Variants in MTHFS observed in about 807,000 individuals in gnomAD.
MTHFS encodes 5-formyltetrahydrofolate cyclo-ligase.
Under a neutral mutation model 12.7 loss-of-function variants are expected in MTHFS, and 7 were observed. That is an observed-to-expected ratio of 0.55 (90% CI 0.31 to 1.03). The LOEUF (loss-of-function observed/expected upper bound fraction) is 1.03, where lower values mean the gene tolerates loss of function less well. Among genes scored for constraint, MTHFS ranks in the 50% least tolerant of loss-of-function variants. MTHFS has a pLI of 0.05. For synonymous variants in MTHFS, 100 were observed against 97.1 expected (o/e 1.03, Z -0.18); for missense variants, 252 against 258.1 (o/e 0.98, Z 0.16).
chr15:79,875,847 A>T (rs2034185856), intron 2 of MTHFS: 1 of 152,158 alleles, frequency 6.6e-6, no homozygotes, highest in African/African-American at 2.4e-5. Flanking sequence ...CACATAAAAA[A>T]CTTAGATAAC....
chr15:79,845,696 C>T (rs2033601336), intron 2 of MTHFS, among the ~76,000 whole-genome samples: 2 of 152,192 alleles, frequency 1.3e-5, no homozygotes, highest in Non-Finnish European at 2.9e-5. Context: ...TCCCAGGCCT[C>T]ATTCATAACT....
chr15:79,845,284 A>C lies in MTHFS; in HGVS notation c.538T>G (p.Cys180Gly), dbSNP rs1566985056. The C allele has an allele frequency of 6.2e-7, 1 of 1,614,156 alleles. No individual in the cohort carries two copies. Among genetic ancestry groups the C allele is most frequent in the Non-Finnish European group, 8.5e-7 (1 of 1,180,028 alleles). ...TLALAFKEQI[C>G]LQVPVNENDM... ...TTTTCATTCACTGGGACCTGGAGGC[A>C]AATCTGTTCTTTGAAAGCCAACGCC... The change falls in exon 3 of 3, where the codon TGC becomes GGC. Residue 180 changes from cysteine (C) to glycine (G), a missense_variant. Physicochemically the swap from Cys to Gly is radical, Grantham distance 159. Coordinates refer to ENST00000258874, the MANE Select transcript of MTHFS (RefSeq NM_006441.4).
intron 2 of MTHFS, among the ~76,000 whole-genome samples, chr15:79,871,240 TA>T (rs1478825868): frequency 6.6e-6 from 1 of 152,120 alleles, no homozygotes; most frequent in Non-Finnish European, 1.5e-5. Flanking sequence ...AATTTGAGGC[TA>T]AAAATATTTT....
intron 2 of MTHFS, among the ~76,000 whole-genome samples, chr15:79,868,099 A>G (rs941022436): frequency 6.6e-6 from 1 of 152,236 alleles, no homozygotes; most frequent in Non-Finnish European, 1.5e-5. Context: ...GAGACAGTAA[A>G]AGTAACAGCC....
intron 1 of MTHFS, among the ~76,000 whole-genome samples, chr15:79,894,883 G>A (rs4573897): frequency 0.39 from 59,984 of 151,862 alleles, 12,676 homozygotes; most frequent in South Asian, 0.52. Flanking sequence ...CCCATGCTCT[G>A]GTTTGCATAT....
At chr15:79,886,326 C>T (rs2034381585) in intron 2 of MTHFS, among the ~76,000 whole-genome samples, 1 of 152,196 alleles carries the variant, frequency 6.6e-6, no homozygotes, top group South Asian at 2.1e-4. Context: ...TAAAAATCCA[C>T]AGTACAGAGT....
At chr15:79,886,452 AT>A (rs530022559) in intron 2 of MTHFS, among the ~76,000 whole-genome samples, 441 of 152,256 alleles carry the variant, frequency 2.9e-3, no homozygotes, top group African/African-American at 0.01. Flanking sequence ...ATAATCCTCT[AT>A]CCCTTTACAA....
intron 2 of MTHFS, among the ~76,000 whole-genome samples, chr15:79,864,319 C>T (rs1011463405): frequency 6.6e-6 from 1 of 151,664 alleles, no homozygotes; most frequent in African/African-American, 2.4e-5. Context: ...CTGAGGTGGG[C>T]GAAATACCAG....
At chr15:79,884,320 G>C (rs1269608355) in intron 2 of MTHFS, among the ~76,000 whole-genome samples, 1 of 152,214 alleles carries the variant, frequency 6.6e-6, no homozygotes, top group Non-Finnish European at 1.5e-5. Context: ...TTAAGATAGA[G>C]AGGGAGGTCA....
intron 2 of MTHFS, among the ~76,000 whole-genome samples, chr15:79,868,750 C>T (rs886322801): frequency 5.9e-5 from 9 of 152,234 alleles, no homozygotes; most frequent in African/African-American, 1.9e-4. Flanking sequence ...CTCAGTCCTT[C>T]GGACTTTGAG....
At chr15:79,887,206 C>CA in intron 2 of MTHFS, among the ~76,000 whole-genome samples, 2 of 152,208 alleles carry the variant, frequency 1.3e-5, no homozygotes, top group Middle Eastern at 6.8e-3. Context: ...GCCCGGGTGA[C>CA]AGAGTGAAAC....
rs1308286117 is a variant in MTHFS at position 79,862,827 on chromosome 15, A to G, written c.380-17385T>C. 2.0e-5 allele frequency among the ~76,000 whole-genome samples: 3 copies of G among 152,306 alleles called. No homozygotes were observed. In the East Asian group the frequency reaches 5.8e-4, roughly 29 times the overall value. ...AAACCTCATCTAGAAAGGCAAATTG[A>G]TCTTGGTCCATCTACATTTGCCATG... is the stretch of plus-strand genomic sequence containing the variant. On this transcript the variant is annotated intron_variant, in intron 2 of 2. Transcript: ENST00000258874.
chr15:79,866,985 G>C (rs144357363), intron 2 of MTHFS, among the ~76,000 whole-genome samples: 2 of 114,516 alleles, frequency 1.7e-5, no homozygotes, highest in Non-Finnish European at 4.0e-5. Flanking sequence ...GTCTCAAAAA[G>C]AAAAGAAAAA....
intron 2 of MTHFS, among the ~76,000 whole-genome samples, chr15:79,859,476 A>G (rs546921876): frequency 1.3e-5 from 2 of 152,296 alleles, no homozygotes; most frequent in Admixed American, 6.5e-5. Context: ...GGGAAAGGGT[A>G]GATTACTCAT....
chr15:79,892,367 CGAT>C (rs1436679065), intron 1 of MTHFS, among the ~76,000 whole-genome samples: 1 of 151,646 alleles, frequency 6.6e-6, no homozygotes, highest in African/African-American at 2.4e-5. Context: ...TTTTAACAGA[CGAT>C]GAAAAAGAAT....
At chr15:79,850,212 G>T (rs1033610807) in intron 2 of MTHFS, among the ~76,000 whole-genome samples, 1 of 152,170 alleles carries the variant, frequency 6.6e-6, no homozygotes, top group South Asian at 2.1e-4. Flanking sequence ...CTTGAACCAG[G>T]TAGCAGGGAA....
At chr15:79,852,534 G>A (rs1156498682) in intron 2 of MTHFS, among the ~76,000 whole-genome samples, 3 of 152,040 alleles carry the variant, frequency 2.0e-5, no homozygotes, top group Admixed American at 2.0e-4. Flanking sequence ...TGGCCATCTG[G>A]GAATATTCAC....
rs58698908 is a variant in MTHFS at position 79,864,547 on chromosome 15, C to CAAAAAAAAAAAAAAA, written c.380-19120_380-19106dup. On this transcript the variant is annotated intron_variant, in intron 2 of 2. Coordinates refer to ENST00000258874, the MANE Select transcript of MTHFS (RefSeq NM_006441.4). ...GCAACAAAGTGAGACTCCATCTCAACAAAAAAAAAAAAAAAAAAAAAAAAA... is the reference window on the plus strand; with the variant it reads ...GCAACAAAGTGAGACTCCATCTCAACAAAAAAAAAAAAAAAAAAAAAAAAAAAAAAAAAAAAAAAA... Among the ~76,000 whole-genome samples, 10 of 64,538 alleles carry CAAAAAAAAAAAAAAA rather than the reference C, an allele frequency of 1.5e-4. 1 individual carries two copies. Among genetic ancestry groups the CAAAAAAAAAAAAAAA allele is most frequent in the African/African-American group, 6.7e-4 (9 of 13,372 alleles). The allele number at this position is 64,538 out of a possible 152,430, so 42.3% of individuals were successfully genotyped here. A position where few individuals can be genotyped will look rare whatever the true frequency, so the allele number is the denominator to read the frequency against.
chr15:79,864,602 G>A (rs628827), intron 2 of MTHFS, among the ~76,000 whole-genome samples: 1 of 103,830 alleles, frequency 9.6e-6, no homozygotes, highest in African/African-American at 3.9e-5. Context: ...TAAATGTCCA[G>A]AAACTGAGCT....
Sources: allele counts gnomAD v4.1 joint callset (sites outside exome capture counted in the v4.1 genomes callset), GRCh38; gene constraint gnomAD v4.1.1; transcripts MANE v1.5; gene names NCBI Gene and HGNC (gene_info 2026-07-23, HGNC 2026-07-21).